The following ERBB2 variants were observed in gnomAD, a reference collection of about 807,000 sequenced individuals.
ERBB2 encodes the protein receptor tyrosine-protein kinase erbB-2.
Under a neutral mutation model 149.0 loss-of-function variants are expected in ERBB2, and 61 were observed. That is an observed-to-expected ratio of 0.41 (90% CI 0.33 to 0.51). The LOEUF (loss-of-function observed/expected upper bound fraction) is 0.51, where lower values mean the gene tolerates loss of function less well. Among genes scored for constraint, ERBB2 ranks in the 20% least tolerant of loss-of-function variants. The probability of loss-of-function intolerance (pLI) is 0.25; values close to 1 mark genes in which losing one functional copy is unlikely to be tolerated. For missense variants in ERBB2, 1,205 were observed against 1,655.1 expected (o/e 0.73, Z 4.72); for synonymous variants, 633 against 678.8 (o/e 0.93, Z 1.05).
At chr17:39,696,359 C>G (rs1307585120), upstream of ERBB2, 1 of 152,326 alleles carries the variant, frequency 6.6e-6, no homozygotes, top group Non-Finnish European at 1.5e-5. Flanking sequence ...TCCACCCTCT[C>G]TACCGCCCAC....
rs71149796 is a variant in ERBB2, at chr17:39,724,272, A to ATTTTTTTTTTTTTTT, written c.2307+264_2307+278dup. Among the ~76,000 whole-genome samples the ATTTTTTTTTTTTTTT allele has an allele frequency of 3.5e-4, 27 of 76,998 alleles. 2 individuals are homozygous for ATTTTTTTTTTTTTTT. Among genetic ancestry groups the ATTTTTTTTTTTTTTT allele is most frequent in the Non-Finnish European group, 4.3e-4 (16 of 37,224 alleles). 50.5% of individuals were successfully genotyped at this position (76,998 alleles called of 152,430 possible). Reference sequence around the variant, plus strand: ...TAGCTGGGATTACAAGCGCCCGCTAATTTTTTTTTTTTTTTTGAGACAGAG... The same window carrying ATTTTTTTTTTTTTTT: ...TAGCTGGGATTACAAGCGCCCGCTAATTTTTTTTTTTTTTTTTTTTTTTTTTTTTTTGAGACAGAG... On this transcript the variant is annotated intron_variant, in intron 19 of 26. Transcript: ENST00000269571.
At position 39,727,005 on chromosome 17, in the gene ERBB2, T is replaced by A. The variant is rs2143189485; in HGVS notation, c.3159+2T>A. ...AGGCACCGCAGCTCATCTACCAGGGTCAGTGCCCTCGGTCACACTGTGTGG... is the reference window on the plus strand; with the variant it reads ...AGGCACCGCAGCTCATCTACCAGGGACAGTGCCCTCGGTCACACTGTGTGG... On this transcript the variant is annotated splice_donor_variant, in intron 25 of 26. Coordinates refer to ENST00000269571, the MANE Select transcript of ERBB2 (RefSeq NM_004448.4). LOFTEE classifies it high-confidence loss of function. The surrounding 1 kb of genome is among the most constrained non-coding windows in gnomAD (Gnocchi z 4.3). The A allele has an allele frequency of 6.3e-7, 1 of 1,588,592 alleles. No individual in the cohort carries two copies. Among genetic ancestry groups the A allele is most frequent in the Non-Finnish European group, 8.6e-7 (1 of 1,168,786 alleles).
At position 39,727,440 on chromosome 17, in the gene ERBB2, C is replaced by T. The variant is rs200455249; in HGVS notation, c.3305C>T (p.Pro1102Leu). Residue 1102 changes from proline (P) to leucine (L), a missense_variant, in exon 26 of 27, where the codon CCC (proline) becomes CTC (leucine). Physicochemically the swap from Pro to Leu is moderately conservative, Grantham distance 98 (BLOSUM62 -3). This residue lies in a region of ERBB2 where 312 missense variants were observed against 343.8 expected (regional missense o/e 0.91). Transcript: ENST00000269571. The surrounding 1 kb of genome is among the most constrained non-coding windows in gnomAD (Gnocchi z 4.3). ...GCAGCCAAGGGGCTGCAAAGCCTCC[C>T]CACACATGACCCCAGCCCTCTACAG... ...MGAAKGLQSL[P>L]THDPSPLQRY... 2.5e-5 allele frequency: 41 copies of T among 1,611,264 alleles called. No homozygotes were observed. The Admixed American group carries it at 3.7e-4, about 15-fold the overall frequency.
Position 39,725,904 on chromosome 17 carries a change from G to A in ERBB2, c.2872+51G>A, listed in dbSNP as rs2143087573. On this transcript the variant is annotated intron_variant, in intron 23 of 26. Transcript: ENST00000269571. This position sits in a 1 kb window ranked among gnomAD's most constrained non-coding sequence, Gnocchi z 4.6. ...CCTGGAGGAGGGTGGGAGGTCCTGGGTGGAGGAGCCCACAAGGGGCATGAA... is the reference window on the plus strand; with the variant it reads ...CCTGGAGGAGGGTGGGAGGTCCTGGATGGAGGAGCCCACAAGGGGCATGAA... 1 of 1,602,368 alleles carries A rather than the reference G, an allele frequency of 6.2e-7. No individual in the cohort carries two copies. Among genetic ancestry groups the A allele is most frequent in the Non-Finnish European group, 8.5e-7 (1 of 1,174,214 alleles).
intron 20 of ERBB2, 45 bp downstream of exon 20, chr17:39,724,956 A>T (rs1374119450): frequency 6.2e-7 from 1 of 1,607,154 alleles, no homozygotes; most frequent in Non-Finnish European, 8.5e-7. Flanking sequence ...GCAAACCCCT[A>T]TGTCCACAAG....
chr17:39,727,099 C>T lies in ERBB2; in HGVS notation c.3159+96C>T. 1 of 1,305,224 alleles carries T rather than the reference C, an allele frequency of 7.7e-7. No homozygotes were observed. The highest frequency in any genetic ancestry group is 1.1e-6 in the Non-Finnish European group (1 of 949,356). 80.9% of individuals were successfully genotyped at this position (1,305,224 alleles called of 1,614,324 possible). On this transcript the variant is annotated intron_variant, in intron 25 of 26. Transcript: ENST00000269571. The surrounding 1 kb of genome is among the most constrained non-coding windows in gnomAD (Gnocchi z 4.3). ...TCTCTGATGTTCCCTCAACTGTCAC[C>T]TCTCAAGGAAACCCCATTATCCCTA...
At position 39,725,065 on chromosome 17, in the gene ERBB2, A is replaced by C; in HGVS notation, c.2510A>C (p.Glu837Ala). The C allele has an allele frequency of 6.2e-7, 1 of 1,614,126 alleles. No individual in the cohort carries two copies. Among genetic ancestry groups the C allele is most frequent in the Non-Finnish European group, 8.5e-7 (1 of 1,180,012 alleles). ...MQIAKGMSYL[E>A]DVRLVHRDLA... ...CCATTCCAGGGGATGAGCTACCTGG[A>C]GGATGTGCGGCTCGTACACAGGGAC... is the stretch of plus-strand genomic sequence containing the variant. Residue 837 changes from glutamate (E) to alanine (A), a missense_variant, in exon 21 of 27, where the codon GAG (glutamate) becomes GCG (alanine). Around this residue, in one of 6 missense-constraint regions of ERBB2, gnomAD observed 152 missense variants for 318.1 expected, o/e 0.48. Coordinates refer to ENST00000269571, the MANE Select transcript of ERBB2 (RefSeq NM_004448.4). This position sits in a 1 kb window ranked among gnomAD's most constrained non-coding sequence, Gnocchi z 4.6.
In ERBB2 at chr17:39,709,799, G is replaced by T. The variant is rs1229925613; in HGVS notation, c.575-14G>T. 13 of 1,611,082 alleles carry T rather than the reference G, an allele frequency of 8.1e-6. No individual in the cohort carries two copies. The highest frequency in any genetic ancestry group is 5.3e-5 in the African/African-American group (4 of 74,984). ...GACATCTCTCTCACTGCCTGTCTCT[G>T]GTTCTGTCCTCAGGCCACCCCTGTT... On this transcript the variant is annotated splice_polypyrimidine_tract_variant and intron_variant, in intron 4 of 26. Transcript: ENST00000269571.
At position 39,723,468 on chromosome 17, in the gene ERBB2, G is replaced by C. The variant is rs748981129; in HGVS notation, c.2085+11G>C. The C allele has an allele frequency of 3.1e-6, 5 of 1,614,100 alleles. No homozygotes were observed. Among genetic ancestry groups the C allele is most frequent in the Non-Finnish European group, 4.2e-6 (5 of 1,180,012 alleles). ...CTGCAGGAAACGGAGGTGAGGCGGG[G>C]TGAAGTCCTCCCAGCCCGCGTGGGG... On this transcript the variant is annotated intron_variant, in intron 17 of 26. Coordinates refer to ENST00000269571, the MANE Select transcript of ERBB2 (RefSeq NM_004448.4). The surrounding 1 kb of genome is among the most constrained non-coding windows in gnomAD (Gnocchi z 6.2).
rs2059579035 is a variant in ERBB2, at chr17:39,723,760, A to G, written c.2208+100A>G. On this transcript the variant is annotated intron_variant, in intron 18 of 26. Coordinates refer to ENST00000269571, the MANE Select transcript of ERBB2 (RefSeq NM_004448.4). The surrounding 1 kb of genome is among the most constrained non-coding windows in gnomAD (Gnocchi z 6.2). ...GATGGGAGGGGCAAGAGCTGGAGGC[A>G]GTGTTTGGGGGAGGGCAGTTACAGC... 1.3e-6 allele frequency: 2 copies of G among 1,530,754 alleles called. No individual in the cohort carries two copies. The highest frequency in any genetic ancestry group is 2.0e-5 in the Admixed American group (1 of 51,198). The allele number at this position is 1,530,754 out of a possible 1,614,324, so 94.8% of individuals were successfully genotyped here.
chr17:39,728,070 C>T lies in ERBB2; in HGVS notation c.*26C>T, dbSNP rs926732255. 17 of 1,494,484 alleles carry T rather than the reference C, an allele frequency of 1.1e-5. No individual in the cohort carries two copies. In the African/African-American group the frequency reaches 2.1e-4, roughly 18 times the overall value. The allele number at this position is 1,494,484 out of a possible 1,614,324, so 92.6% of individuals were successfully genotyped here. ...ACCAGAAGGCCAAGTCCGCAGAAGC[C>T]CTGATGTGTCCTCAGGGAGCAGGGA... On this transcript the variant is annotated 3_prime_UTR_variant, in exon 27 of 27. Transcript: ENST00000269571.
chr17:39,726,663 CTGGGCCTCTG>C lies in ERBB2; in HGVS notation c.2970+7_2970+16del. 6.2e-7 allele frequency: 1 copy of C among 1,613,766 alleles called. No homozygotes were observed. The highest frequency in any genetic ancestry group is 8.5e-7 in the Non-Finnish European group (1 of 1,179,590). ...CCAGCGCTTTGTGGTCATCCAGGTA[CTGGGCCTCTG>C]TGCCCCATCCCTGCCTGTGGCTAAG... On this transcript the variant is annotated splice_donor_5th_base_variant and intron_variant, in intron 24 of 26. Coordinates refer to ENST00000269571, the MANE Select transcript of ERBB2 (RefSeq NM_004448.4). The surrounding 1 kb of genome is among the most constrained non-coding windows in gnomAD (Gnocchi z 5.1).
intron 15 of ERBB2, among the ~76,000 whole-genome samples, chr17:39,718,627 G>A (rs924819258): frequency 4.6e-5 from 7 of 152,120 alleles, no homozygotes; most frequent in Admixed American, 1.3e-4. Flanking sequence ...GCGAGACCCC[G>A]TCTCTACTAA....
rs1173337736 is a variant in ERBB2, at chr17:39,717,461, C to T, written c.1879C>T (p.Pro627Ser). ...TGAGGAGGGCGCATGCCAGCCTTGC[C>T]CCATCAACTGCACCCACTCGTGAGT... ...PDEEGACQPC[P>S]INCTHSCVDL... The change falls in exon 15 of 27, where the codon CCC becomes TCC. Residue 627 changes from proline to serine, a missense_variant. Pro to Ser is a moderately conservative substitution (Grantham distance 74). This residue lies in a region of ERBB2 where 569 missense variants were observed against 803.5 expected (regional missense o/e 0.71). Coordinates refer to ENST00000269571, the MANE Select transcript of ERBB2 (RefSeq NM_004448.4). 1.2e-6 allele frequency: 2 copies of T among 1,613,102 alleles called. No individual in the cohort carries two copies. Among genetic ancestry groups the T allele is most frequent in the Non-Finnish European group, 1.7e-6 (2 of 1,179,750 alleles).
intron 1 of ERBB2, among the ~76,000 whole-genome samples, chr17:39,705,064 C>T (rs534836665): frequency 1.3e-5 from 2 of 152,300 alleles, no homozygotes; most frequent in East Asian, 3.9e-4. Flanking sequence ...GAGCTAACCC[C>T]TGCCAGCCTC....
chr17:39,709,180 A>G, intron 3 of ERBB2, 138 bp from the exon 4 acceptor site: 1 of 973,640 alleles, frequency 1.0e-6, no homozygotes, highest in Non-Finnish European at 1.6e-6. Flanking sequence ...AAGACGGTAA[A>G]GATAGCTTTC....
intron 1 of ERBB2, among the ~76,000 whole-genome samples, chr17:39,703,989 T>A (rs1251720324): frequency 1.3e-5 from 2 of 152,232 alleles, no homozygotes; most frequent in East Asian, 3.8e-4. Flanking sequence ...ACCTCAGGAC[T>A]GGGGTCAAGT....
In ERBB2 at chr17:39,727,152, C is replaced by G. The variant is rs2059815033; in HGVS notation, c.3160-143C>G. 1 of 1,241,474 alleles carries G rather than the reference C, an allele frequency of 8.1e-7. No homozygotes were observed. Among genetic ancestry groups the G allele is most frequent in the Admixed American group, 2.3e-5 (1 of 43,914 alleles). 76.9% of individuals were successfully genotyped at this position (1,241,474 alleles called of 1,614,324 possible). ...AAAAATTCTTACTGCCTTCCAACCCCTGTGACCCCATTCTCTCCACGGTGA... is the reference window on the plus strand; with the variant it reads ...AAAAATTCTTACTGCCTTCCAACCCGTGTGACCCCATTCTCTCCACGGTGA... On this transcript the variant is annotated intron_variant, in intron 25 of 26. Transcript: ENST00000269571. This position sits in a 1 kb window ranked among gnomAD's most constrained non-coding sequence, Gnocchi z 4.3.
At chr17:39,700,441 C>G (rs2058026206) in intron 1 of ERBB2, 130 bp downstream of exon 1, 1 of 765,814 alleles carries the variant, frequency 1.3e-6, no homozygotes. Flanking sequence ...TGTGGACAGT[C>G]GAGACGCTCA....
Sources: gnomAD v4.1 joint callset for allele counts (sites outside exome capture counted in the v4.1 genomes callset) on GRCh38, gnomAD v4.1.1 for gene constraint, gnomAD v4.1.1 regional missense constraint, Gnocchi (gnomAD v3.1) non-coding constraint, MANE v1.5 for transcripts, NCBI Gene and HGNC (gene_info 2026-07-23, HGNC 2026-07-21) for gene names.